The following CPLANE1 variants were observed in gnomAD, a reference collection of about 807,000 sequenced individuals.
The protein encoded by CPLANE1 is ciliogenesis and planar polarity effector complex subunit 1.
CPLANE1 carries 263 observed loss-of-function variants against 362.5 expected under a neutral mutation model. The ratio of observed to expected loss-of-function variants is 0.73; its 90% CI spans 0.66 to 0.80. CPLANE1 has a LOEUF of 0.80. Among genes scored for constraint, CPLANE1 ranks in the 30% least tolerant of loss-of-function variants. The pLI is 0.00. For synonymous variants in CPLANE1, 1,212 were observed against 1,302.6 expected, an observed-to-expected ratio of 0.93 and a Z score of 1.50; for missense variants, 3,461 against 3,793.4, an observed-to-expected ratio of 0.91 and a Z score of 2.30.
At chr5:37,199,281 C>T (rs1459394494) in intron 19 of CPLANE1, among the ~76,000 whole-genome samples, 1 of 152,030 alleles carries the variant, frequency 6.6e-6, no homozygotes, top group Non-Finnish European at 1.5e-5. Flanking sequence ...ACCCTTGTTC[C>T]CAGTCTTACG....
In CPLANE1 at chr5:37,198,741, A is replaced by G; in HGVS notation, c.3633T>C (p.Tyr1211=). 2 of 1,614,190 alleles carry G rather than the reference A, an allele frequency of 1.2e-6. No homozygotes were observed. The highest frequency in any genetic ancestry group is 1.7e-6 in the Non-Finnish European group (2 of 1,180,038). The change falls in exon 20 of 53, where the codon TAT becomes TAC. Residue 1211 remains tyrosine (Y), a synonymous_variant. Coordinates refer to ENST00000651892, the MANE Select transcript of CPLANE1 (RefSeq NM_001384732.1). The part of the protein sequence containing the change: ...AQCSFPVAQW[Y]ILQLRWARKV... ...TTCTTGCCCACCTCAACTGCAATAT[A>G]TACCACTGTGCTACAGGAAAAGAAC...
intron 41 of CPLANE1, among the ~76,000 whole-genome samples, chr5:37,154,989 T>C (rs1336795817): frequency 6.6e-6 from 1 of 152,214 alleles, no homozygotes; most frequent in Admixed American, 6.5e-5. Flanking sequence ...CTCCTCTCTT[T>C]CCTTCAGATC....
intron 20 of CPLANE1, 72 bp downstream of exon 20, chr5:37,198,630 T>C: frequency 7.1e-7 from 1 of 1,409,716 alleles, no homozygotes. Flanking sequence ...ATATAACAAT[T>C]ATAAAAACAA....
chr5:37,132,288 C>T (rs1327305266), intron 46 of CPLANE1, among the ~76,000 whole-genome samples: 1 of 144,896 alleles, frequency 6.9e-6, no homozygotes, highest in Non-Finnish European at 1.5e-5. Flanking sequence ...TTTGTAATGT[C>T]TTTGCCCACT....
intron 31 of CPLANE1, among the ~76,000 whole-genome samples, chr5:37,174,423 T>A (rs188289059): frequency 6.6e-6 from 1 of 152,380 alleles, no homozygotes; most frequent in Non-Finnish European, 1.5e-5. Flanking sequence ...AGAAAACTAC[T>A]GTTTATCATC....
chr5:37,236,325 G>A (rs1798983055), intron 8 of CPLANE1, among the ~76,000 whole-genome samples: 1 of 152,090 alleles, frequency 6.6e-6, no homozygotes, highest in Non-Finnish European at 1.5e-5. Context: ...ATACACTGGG[G>A]AAAGGACACC....
intron 51 of CPLANE1, among the ~76,000 whole-genome samples, chr5:37,113,241 C>T (rs1371069699): frequency 1.3e-5 from 2 of 152,164 alleles, no homozygotes; most frequent in African/African-American, 2.4e-5. Context: ...GTAATTGAAT[C>T]ATGGGGGCAG....
chr5:37,156,372 G>C (rs1314188642), intron 41 of CPLANE1, among the ~76,000 whole-genome samples: 1 of 152,184 alleles, frequency 6.6e-6, no homozygotes, highest in African/African-American at 2.4e-5. Context: ...GGGAGGCTGA[G>C]GTGGAATGAT....
At chr5:37,113,056 G>A (rs1411400702) in intron 51 of CPLANE1, among the ~76,000 whole-genome samples, 1 of 152,176 alleles carries the variant, frequency 6.6e-6, no homozygotes, top group African/African-American at 2.4e-5. Context: ...AAAAGCTATT[G>A]AGTACTCTAG....
At chr5:37,115,105 A>G in intron 50 of CPLANE1, 56 bp from the exon 51 acceptor site, 1 of 1,138,612 alleles carries the variant, frequency 8.8e-7, no homozygotes. Context: ...ATTTTTATAT[A>G]TATTGTGAGT....
chr5:37,245,011 G>T (rs1050243196), intron 4 of CPLANE1, among the ~76,000 whole-genome samples: 1 of 151,896 alleles, frequency 6.6e-6, no homozygotes, highest in African/African-American at 2.4e-5. Context: ...AATTAGCCGG[G>T]CATGGTGGCT....
the CPLANE1 span, among the ~76,000 whole-genome samples, chr5:37,093,588 T>C: frequency 6.6e-6 from 1 of 152,226 alleles, no homozygotes; most frequent in Non-Finnish European, 1.5e-5. Context: ...TGGGGGTCAC[T>C]CTTTGACTAG....
Position 37,198,653 on chromosome 5 carries a change from G to A in CPLANE1, c.3672+49C>T, listed in dbSNP as rs757178033. The A allele has an allele frequency of 2.7e-6, 4 of 1,502,542 alleles. No individual in the cohort carries two copies. The Admixed American group carries it at 7.8e-5, about 29-fold the overall frequency. 93.1% of individuals were successfully genotyped at this position (1,502,542 alleles called of 1,614,324 possible). ...ATTATAAAAACAATAATATAAATATGAGTAATTTCAGTTAACACAGCATGT... is the reference window on the plus strand; with the variant it reads ...ATTATAAAAACAATAATATAAATATAAGTAATTTCAGTTAACACAGCATGT... On this transcript the variant is annotated intron_variant, in intron 20 of 52. Coordinates refer to ENST00000651892, the MANE Select transcript of CPLANE1 (RefSeq NM_001384732.1).
Position 37,183,340 on chromosome 5 carries a change from C to A in CPLANE1, c.4841G>T (p.Arg1614Ile), listed in dbSNP as rs771898985. The stretch of plus-strand genomic sequence containing the variant: ...AGCAACAACAAAGCAAGAACCAGCT[C>A]TAAACACATTCTGGCTTTTAGTTTT... ...QSKTKSQNVFRAGSCFVVAPE... is the reference protein window; with the variant it reads ...QSKTKSQNVFIAGSCFVVAPE... The change falls in exon 26 of 53, where the codon AGA becomes ATA. Residue 1614 changes from arginine (R) to isoleucine (I), a missense_variant. Coordinates refer to ENST00000651892, the MANE Select transcript of CPLANE1 (RefSeq NM_001384732.1). 6.2e-7 allele frequency: 1 copy of A among 1,612,810 alleles called. No homozygotes were observed. The highest frequency in any genetic ancestry group is 1.1e-5 in the South Asian group (1 of 90,680).
chr5:37,175,466 T>A (rs1047315598), intron 31 of CPLANE1, among the ~76,000 whole-genome samples: 7 of 152,258 alleles, frequency 4.6e-5, no homozygotes, highest in African/African-American at 1.7e-4. Context: ...ACTATGAAAA[T>A]TTTTTTCTGA....
the CPLANE1 span, among the ~76,000 whole-genome samples, chr5:37,090,144 G>A: frequency 6.6e-6 from 1 of 152,112 alleles, no homozygotes; most frequent in African/African-American, 2.4e-5. Flanking sequence ...TATTCTCCCA[G>A]ATATTTAACC....
At chr5:37,130,084 C>T (rs1180654035) in intron 46 of CPLANE1, among the ~76,000 whole-genome samples, 1 of 152,088 alleles carries the variant, frequency 6.6e-6, no homozygotes, top group Admixed American at 6.6e-5. Context: ...AATGAAATAA[C>T]GGCATTCGCA....
chr5:37,117,242 T>C (rs992136523), intron 50 of CPLANE1, among the ~76,000 whole-genome samples: 1 of 151,732 alleles, frequency 6.6e-6, no homozygotes, highest in Non-Finnish European at 1.5e-5. Flanking sequence ...GAGTATTTCA[T>C]CTGTTCAACA....
At chr5:37,225,316 G>A (rs144688072) in intron 12 of CPLANE1, among the ~76,000 whole-genome samples, 10 of 151,302 alleles carry the variant, frequency 6.6e-5, no homozygotes, top group East Asian at 2.0e-4. Context: ...ATGCAGTGGC[G>A]TGATATCTGC....
Sources: gnomAD v4.1 joint callset for allele counts (sites outside exome capture counted in the v4.1 genomes callset) on GRCh38, gnomAD v4.1.1 for gene constraint, MANE v1.5 for transcripts, NCBI Gene and HGNC (gene_info 2026-07-23, HGNC 2026-07-21) for gene names.